AGBL3: variants seen among roughly 807,000 people sequenced by gnomAD.
AGBL3 encodes AGBL carboxypeptidase 3.
A neutral mutation model predicts 94.5 loss-of-function variants in AGBL3; 68 were observed. The observed-to-expected ratio is 0.72, with a 90% confidence interval of 0.59 to 0.88. The LOEUF is 0.88. AGBL3 is among the 40% of genes least tolerant of loss of function. The pLI, the probability that AGBL3 is intolerant of heterozygous loss-of-function variation, is 0.00. For synonymous variants in AGBL3, 354 were observed against 370.7 expected (o/e 0.95, Z 0.52); for missense variants, 934 against 1,103.8 (o/e 0.85, Z 2.18).
At chr7:135,128,944 A>G in intron 16 of AGBL3, 1 of 1,569,756 alleles carries the variant, frequency 6.4e-7, no homozygotes, top group African/African-American at 1.3e-5. Flanking sequence ...TGTTTCTGTA[A>G]GAAGCTGGGT....
intron 16 of AGBL3, among the ~76,000 whole-genome samples, chr7:135,125,084 A>G (rs1443527803): frequency 6.6e-6 from 1 of 151,982 alleles, no homozygotes; most frequent in African/African-American, 2.4e-5. Flanking sequence ...GACACAAAAA[A>G]CTCCCCCAAA....
intron 16 of AGBL3, among the ~76,000 whole-genome samples, chr7:135,134,373 A>G (rs1829189704): frequency 6.6e-6 from 1 of 151,580 alleles, no homozygotes; most frequent in Admixed American, 6.6e-5. Flanking sequence ...TTATTAGTTT[A>G]CAAAAGCTCC....
chr7:135,081,679 G>A, intron 14 of AGBL3, 40 bp from the exon 15 acceptor site: 1 of 1,326,596 alleles, frequency 7.5e-7, no homozygotes, highest in East Asian at 2.6e-5. Context: ...AAATGGGCGA[G>A]TTATTTTCAT....
intron 15 of AGBL3, among the ~76,000 whole-genome samples, chr7:135,095,547 A>T (rs1432058279): frequency 6.6e-6 from 1 of 152,188 alleles, no homozygotes; most frequent in East Asian, 1.9e-4. Context: ...AGTTTTTGTT[A>T]CCCACTGTCC....
At chr7:135,088,284 AT>A (rs1217312607) in intron 15 of AGBL3, among the ~76,000 whole-genome samples, 2 of 152,124 alleles carry the variant, frequency 1.3e-5, no homozygotes, top group African/African-American at 2.4e-5. Flanking sequence ...TAAGTGGGGA[AT>A]TTAATTCACT....
intron 5 of AGBL3, among the ~76,000 whole-genome samples, chr7:135,020,474 G>C (rs1288222769): frequency 2.0e-5 from 3 of 152,176 alleles, no homozygotes; most frequent in South Asian, 2.1e-4. Flanking sequence ...CTGTAAACTA[G>C]TTCAACCATT....
chr7:135,096,240 A>G (rs987441082), intron 15 of AGBL3, among the ~76,000 whole-genome samples: 4 of 152,116 alleles, frequency 2.6e-5, no homozygotes, highest in African/African-American at 9.7e-5. Context: ...AGTGTTGTGT[A>G]TATTGGGATC....
intron 16 of AGBL3, among the ~76,000 whole-genome samples, chr7:135,125,083 A>T (rs563137800): frequency 2.0e-3 from 298 of 152,264 alleles, no homozygotes; most frequent in Non-Finnish European, 3.0e-3. Flanking sequence ...AGACACAAAA[A>T]ACTCCCCCAA....
intron 16 of AGBL3, among the ~76,000 whole-genome samples, chr7:135,121,619 A>C (rs1039241520): frequency 3.9e-5 from 6 of 152,212 alleles, no homozygotes; most frequent in Non-Finnish European, 8.8e-5. Flanking sequence ...CGTGAGTCAA[A>C]AATATTCTCT....
intron 11 of AGBL3, among the ~76,000 whole-genome samples, chr7:135,056,334 T>C (rs1366036216): frequency 6.6e-6 from 1 of 152,130 alleles, no homozygotes; most frequent in Non-Finnish European, 1.5e-5. Flanking sequence ...GACACTTGGA[T>C]TGTTCATTTT....
intron 11 of AGBL3, among the ~76,000 whole-genome samples, chr7:135,052,743 A>T (rs1428532219): frequency 1.3e-5 from 2 of 152,146 alleles, no homozygotes; most frequent in Non-Finnish European, 2.9e-5. Context: ...ATCAAATAAG[A>T]TAATGTGTAA....
intron 12 of AGBL3, among the ~76,000 whole-genome samples, chr7:135,072,096 G>A (rs1819968431): frequency 1.3e-5 from 2 of 152,040 alleles, no homozygotes; most frequent in Non-Finnish European, 2.9e-5. Flanking sequence ...TCAAAAAGTG[G>A]GCGAAGGATA....
At chr7:135,042,451 T>C (rs1302081048) in intron 8 of AGBL3, among the ~76,000 whole-genome samples, 2 of 152,238 alleles carry the variant, frequency 1.3e-5, no homozygotes, top group Admixed American at 6.5e-5. Context: ...TCCATTTATA[T>C]AGCAGTCTTG....
At chr7:135,092,712 C>A (rs1822036280) in intron 15 of AGBL3, 1 of 151,982 alleles carries the variant, frequency 6.6e-6, no homozygotes, top group East Asian at 1.9e-4. Flanking sequence ...GTTAAGATTT[C>A]AGGGGCCAAA....
intron 4 of AGBL3, among the ~76,000 whole-genome samples, chr7:135,016,481 A>G (rs1265823873): frequency 6.6e-6 from 1 of 152,044 alleles, no homozygotes; most frequent in Non-Finnish European, 1.5e-5. Flanking sequence ...CTGTGATGTC[A>G]TTTTTCCCCC....
chr7:135,134,390 G>A (rs1195290633), intron 16 of AGBL3, among the ~76,000 whole-genome samples: 2 of 147,464 alleles, frequency 1.4e-5, no homozygotes, highest in East Asian at 4.0e-4. Context: ...CTCCCCCGAG[G>A]AAAACTTCCC....
intron 11 of AGBL3, among the ~76,000 whole-genome samples, chr7:135,048,310 GGATT>G (rs1280635461): frequency 6.6e-6 from 1 of 151,676 alleles, no homozygotes; most frequent in African/African-American, 2.4e-5. Context: ...TTTTTTCTCA[GGATT>G]GATTTGATGT....
chr7:135,055,323 A>G (rs1039669200), intron 11 of AGBL3, among the ~76,000 whole-genome samples: 2 of 152,234 alleles, frequency 1.3e-5, no homozygotes, highest in Non-Finnish European at 2.9e-5. Context: ...GATACTGAGT[A>G]GAAGTGCTAT....
intron 11 of AGBL3, among the ~76,000 whole-genome samples, chr7:135,058,915 C>T (rs1291862994): frequency 6.6e-6 from 1 of 152,138 alleles, no homozygotes; most frequent in Admixed American, 6.6e-5. Flanking sequence ...TGCCACCATG[C>T]CCAGCTAATT....
Sources: gnomAD v4.1 joint callset for allele counts (sites outside exome capture counted in the v4.1 genomes callset) on GRCh38, gnomAD v4.1.1 for gene constraint, MANE v1.5 for transcripts, NCBI Gene and HGNC (gene_info 2026-07-23, HGNC 2026-07-21) for gene names.